The following LRRD1 variants were observed in gnomAD, a reference collection of about 807,000 sequenced individuals.
LRRD1 encodes leucine rich repeats and death domain containing 1, also known as leucine-rich repeat and death domain-containing protein 1.
A neutral mutation model predicts 69.5 loss-of-function variants in LRRD1; 49 were observed. The observed-to-expected ratio is 0.70, with a 90% CI of 0.56 to 0.89. LRRD1 has a LOEUF of 0.89. Among genes scored for constraint, LRRD1 ranks in the 40% least tolerant of loss-of-function variants. LRRD1 has a pLI of 0.00. For synonymous variants in LRRD1, 303 were observed against 338.9 expected, an observed-to-expected ratio of 0.89 and a Z score of 1.16; for missense variants, 853 against 956.0, an observed-to-expected ratio of 0.89 and a Z score of 1.42.
At chr7:92,168,656 T>A (rs1584661533) in intron 1 of LRRD1, among the ~76,000 whole-genome samples, 2 of 134,856 alleles carry the variant, frequency 1.5e-5, no homozygotes, top group African/African-American at 2.9e-5. Flanking sequence ...AATGACTGAG[T>A]GGAGAAAAAA....
At chr7:92,159,240 A>T in intron 2 of LRRD1, 37 bp from the exon 3 acceptor site, 1 of 1,245,086 alleles carries the variant, frequency 8.0e-7, no homozygotes, top group Non-Finnish European at 1.1e-6. Flanking sequence ...ATTTATAAAT[A>T]CATACATATT....
intron 1 of LRRD1, among the ~76,000 whole-genome samples, 183 bp from the exon 2 acceptor site, chr7:92,165,459 C>A (rs1215588027): frequency 6.6e-6 from 1 of 152,056 alleles, no homozygotes; most frequent in Non-Finnish European, 1.5e-5. Flanking sequence ...GTACTTATCA[C>A]ATGTTACTCT....
chr7:92,156,971 G>A (rs1245275143), intron 3 of LRRD1, among the ~76,000 whole-genome samples: 1 of 138,000 alleles, frequency 7.2e-6, no homozygotes, highest in East Asian at 2.2e-4. Flanking sequence ...GAGTTTTTTT[G>A]TTGTTGTTTG....
In LRRD1 at chr7:92,144,909, A is replaced by G; in HGVS notation, c.2562T>C (p.Phe854=). ...CTGGTTAGAATTTAATTGCACGCGT[A>G]AAAAGATTTAAAGCTGTTATTTTGT... is the stretch of plus-strand genomic sequence containing the variant. ...IMDKITALNL[F]TRAIKF Residue 854 remains phenylalanine, a synonymous_variant, in exon 6 of 6, where the codon TTT becomes TTC. Coordinates refer to ENST00000458448, the MANE Select transcript of LRRD1 (RefSeq NM_001161528.2). 6.7e-7 allele frequency: 1 copy of G among 1,500,794 alleles called. No homozygotes were observed. The highest frequency in any genetic ancestry group is 1.4e-5 in the South Asian group (1 of 73,878). 93.0% of individuals were successfully genotyped at this position (1,500,794 alleles called of 1,614,324 possible). A position where few individuals can be genotyped will look rare whatever the true frequency, so the allele number is the denominator to read the frequency against.
At chr7:92,165,298 T>A in intron 1 of LRRD1, 22 bp from the exon 2 acceptor site, 1 of 636,942 alleles carries the variant, frequency 1.6e-6, no homozygotes. Context: ...ATGTTGAAAT[T>A]AAAAGATGTA....
chr7:92,141,969 G>C (rs1820159877), downstream of LRRD1: 1 of 151,396 alleles, frequency 6.6e-6, no homozygotes, highest in Admixed American at 6.6e-5. Flanking sequence ...TTGAGACAGA[G>C]TCTCGCTCTG....
intron 2 of LRRD1, among the ~76,000 whole-genome samples, chr7:92,161,223 G>A (rs1788789272): frequency 6.6e-6 from 1 of 152,250 alleles, no homozygotes; most frequent in South Asian, 2.1e-4. Context: ...TCAGATAAGT[G>A]ACCATCTGCT....
At chr7:92,143,040 A>G (rs896498857), downstream of LRRD1, 5 of 212,260 alleles carry the variant, frequency 2.4e-5, no homozygotes, top group Non-Finnish European at 4.9e-5. Context: ...AGAGAGCCCG[A>G]GTGGTCTATT....
Position 92,165,127 on chromosome 7 carries a change from A to G in LRRD1, c.76T>C (p.Ser26Pro). The G allele has an allele frequency of 6.4e-7, 1 of 1,550,930 alleles. No individual in the cohort carries two copies. Among genetic ancestry groups the G allele is most frequent in the Non-Finnish European group, 8.7e-7 (1 of 1,146,794 alleles). The change falls in exon 2 of 6, where the codon TCA becomes CCA. Residue 26 changes from serine (S) to proline (P), a missense_variant. Transcript: ENST00000458448. ...SQFRKESRSQ[S>P]MKEPGFIKET... is the part of the protein sequence containing the mutation. ...TTAATAAAGCCAGGCTCCTTCATTG[A>G]CTGTGATCTAGATTCTTTCCTAAAT...
chr7:92,153,160 G>T (rs982327965), intron 3 of LRRD1, among the ~76,000 whole-genome samples: 4 of 152,068 alleles, frequency 2.6e-5, no homozygotes, highest in Non-Finnish European at 5.9e-5. Flanking sequence ...TGCCTCCAGG[G>T]TTCATGCAAT....
At chr7:92,154,551 T>C (rs1439749923) in intron 3 of LRRD1, among the ~76,000 whole-genome samples, 1 of 152,126 alleles carries the variant, frequency 6.6e-6, no homozygotes, top group Non-Finnish European at 1.5e-5. Flanking sequence ...AGCCTTTTAA[T>C]ATTTTTTCAC....
intron 1 of LRRD1, among the ~76,000 whole-genome samples, chr7:92,176,519 G>T (rs979771395): frequency 8.7e-5 from 13 of 150,254 alleles, no homozygotes; most frequent in Non-Finnish European, 1.5e-4. Flanking sequence ...TCTTTGTCTT[G>T]TTCCTTTAAT....
intron 3 of LRRD1, among the ~76,000 whole-genome samples, chr7:92,151,528 T>G (rs118075331): frequency 3.7e-3 from 566 of 152,302 alleles, no homozygotes; most frequent in Non-Finnish European, 6.0e-3. Context: ...TGTTATAATT[T>G]TTTTCCTTTC....
At chr7:92,142,366 A>T, downstream of LRRD1, 1 of 439,278 alleles carries the variant, frequency 2.3e-6, no homozygotes, top group Non-Finnish European at 4.5e-6. Flanking sequence ...GGATCAGACA[A>T]CATAAACAAG....
At position 92,165,095 on chromosome 7, in the gene LRRD1, T is replaced by C. The variant is rs1204081376; in HGVS notation, c.108A>G (p.Thr36=). 3 of 1,551,486 alleles carry C rather than the reference T, an allele frequency of 1.9e-6. No individual in the cohort carries two copies. Among genetic ancestry groups the C allele is most frequent in the African/African-American group, 2.7e-5 (2 of 73,038 alleles). Residue 36 remains threonine, a synonymous_variant, in exon 2 of 6, where the codon ACA becomes ACG. Coordinates refer to ENST00000458448, the MANE Select transcript of LRRD1 (RefSeq NM_001161528.2). ...CAGAAGCTTCGTTTATCAAATTTGA[T>C]GTTTCTTTAATAAAGCCAGGCTCCT... The part of the protein sequence containing the change: ...SMKEPGFIKE[T]SNLINEASDY...
downstream of LRRD1, chr7:92,144,702 C>A (rs965275803): frequency 6.3e-6 from 2 of 315,430 alleles, no homozygotes; most frequent in Non-Finnish European, 1.1e-5. Flanking sequence ...AACAAACACA[C>A]AAAACAGTGT....
Position 92,163,528 on chromosome 7 carries a change from G to T in LRRD1, c.1675C>A (p.His559Asn). 6.5e-7 allele frequency: 1 copy of T among 1,528,506 alleles called. No homozygotes were observed. Among genetic ancestry groups the T allele is most frequent in the Middle Eastern group, 1.7e-4 (1 of 5,842 alleles). The allele number at this position is 1,528,506 out of a possible 1,614,324, so 94.7% of individuals were successfully genotyped here. Residue 559 changes from histidine (H) to asparagine (N), a missense_variant, in exon 2 of 6, where the codon CAC (histidine) becomes AAC (asparagine). Physicochemically the swap from His to Asn is moderately conservative, Grantham distance 68. Transcript: ENST00000458448. ...PASISNMISLHVLILCCNKFE... is the reference protein window; with the variant it reads ...PASISNMISLNVLILCCNKFE... ...TTATTACAGCATAAAATAAGTACGT[G>T]GAGTGATATCATATTAGAAATTGAT...
intron 4 of LRRD1, among the ~76,000 whole-genome samples, chr7:92,146,541 G>A (rs940520433): frequency 1.3e-5 from 2 of 149,234 alleles, no homozygotes; most frequent in South Asian, 2.2e-4. Flanking sequence ...CACTTGAACC[G>A]GGGAGGCGGA....
intron 3 of LRRD1, among the ~76,000 whole-genome samples, chr7:92,153,820 G>C (rs1429134557): frequency 6.6e-6 from 1 of 151,228 alleles, no homozygotes; most frequent in Non-Finnish European, 1.5e-5. Flanking sequence ...AGACTCTGCT[G>C]TAAAAAAAAA....
Sources: gnomAD v4.1 joint callset for allele counts (sites outside exome capture counted in the v4.1 genomes callset) on GRCh38, gnomAD v4.1.1 for gene constraint, MANE v1.5 for transcripts, NCBI Gene and HGNC (gene_info 2026-07-23, HGNC 2026-07-21) for gene names.